CATSPERB: variants seen among roughly 807,000 people sequenced by gnomAD.
CATSPERB encodes catsper channel auxiliary subunit beta, also known as cation channel sperm-associated auxiliary subunit beta.
In CATSPERB, 93 loss-of-function variants were observed where a neutral mutation model predicts 128.3. The observed-to-expected ratio is 0.72, with a 90% CI of 0.61 to 0.86. The LOEUF (loss-of-function observed/expected upper bound fraction) is 0.86, where lower values mean the gene tolerates loss of function less well. Among genes scored for constraint, CATSPERB ranks in the 40% least tolerant of loss-of-function variants. The probability of loss-of-function intolerance (pLI) is 0.00; values close to 1 mark genes in which losing one functional copy is unlikely to be tolerated. For synonymous variants in CATSPERB, 381 were observed against 448.8 expected (o/e 0.85, Z 1.91); for missense variants, 1,153 against 1,329.5 (o/e 0.87, Z 2.06).
At chr14:91,675,812 T>G (rs1394702237) in intron 11 of CATSPERB, among the ~76,000 whole-genome samples, 1 of 152,186 alleles carries the variant, frequency 6.6e-6, no homozygotes, top group African/African-American at 2.4e-5. Context: ...GTCACCCTGG[T>G]TCTTGGCTGG....
chr14:91,675,567 A>ACCTAG (rs1439703737), intron 11 of CATSPERB, among the ~76,000 whole-genome samples: 1 of 152,026 alleles, frequency 6.6e-6, no homozygotes, highest in Non-Finnish European at 1.5e-5. Context: ...TTCTGTTTTG[A>ACCTAG]CCTAGCTGCT....
intron 10 of CATSPERB, among the ~76,000 whole-genome samples, chr14:91,685,522 T>C (rs140801648): frequency 2.1e-4 from 32 of 152,220 alleles, no homozygotes; most frequent in African/African-American, 6.5e-4. Context: ...CGGGATACAA[T>C]AGTAAATAAG....
chr14:91,625,128 A>G, intron 17 of CATSPERB, 121 bp from the exon 18 acceptor site: 1 of 637,708 alleles, frequency 1.6e-6, no homozygotes, highest in Non-Finnish European at 2.6e-6. Flanking sequence ...TTTGATTAAC[A>G]TTTGTTCAAC....
intron 4 of CATSPERB, among the ~76,000 whole-genome samples, chr14:91,719,766 A>T (rs958003577): frequency 1.3e-5 from 2 of 152,202 alleles, no homozygotes; most frequent in Admixed American, 6.5e-5. Context: ...TGTACAGCCA[A>T]GCTTATGTAG....
At chr14:91,631,526 G>C (rs976372233) in intron 17 of CATSPERB, among the ~76,000 whole-genome samples, 1 of 152,066 alleles carries the variant, frequency 6.6e-6, no homozygotes, top group Non-Finnish European at 1.5e-5. Flanking sequence ...TTAGTCAGGC[G>C]TGGTGGTGGG....
At chr14:91,692,382 G>A (rs999208853) in intron 9 of CATSPERB, among the ~76,000 whole-genome samples, 2 of 152,002 alleles carry the variant, frequency 1.3e-5, no homozygotes, top group East Asian at 1.9e-4. Flanking sequence ...CCATTGTAGC[G>A]TTCCTGGTTT....
At chr14:91,622,538 G>T (rs1269775545) in intron 18 of CATSPERB, among the ~76,000 whole-genome samples, 1 of 152,192 alleles carries the variant, frequency 6.6e-6, no homozygotes, top group Non-Finnish European at 1.5e-5. Context: ...AAGGAAGGCT[G>T]TTGAAATGAG....
intron 14 of CATSPERB, among the ~76,000 whole-genome samples, chr14:91,662,809 T>G (rs1326577713): frequency 6.6e-6 from 1 of 152,248 alleles, no homozygotes; most frequent in Non-Finnish European, 1.5e-5. Flanking sequence ...CTCCATCATC[T>G]CTTCACGTAT....
At chr14:91,692,557 A>G (rs573383841) in intron 9 of CATSPERB, among the ~76,000 whole-genome samples, 1 of 152,296 alleles carries the variant, frequency 6.6e-6, no homozygotes, top group Admixed American at 6.5e-5. Flanking sequence ...TATAAGAAAT[A>G]TCTGTGTCTC....
intron 7 of CATSPERB, 40 bp downstream of exon 7, chr14:91,704,512 A>G (rs762120493): frequency 3.8e-6 from 6 of 1,559,472 alleles, no homozygotes; most frequent in Non-Finnish European, 5.2e-6. Context: ...TACAAAATAT[A>G]AAAGGCCAAT....
intron 10 of CATSPERB, among the ~76,000 whole-genome samples, chr14:91,684,555 A>C (rs1022388107): frequency 6.6e-6 from 1 of 151,804 alleles, no homozygotes; most frequent in Non-Finnish European, 1.5e-5. Flanking sequence ...TGTGTGCAAA[A>C]GCCTTTGCTG....
Position 91,605,239 on chromosome 14 carries a change from C to CT in CATSPERB, c.2709+3054_2709+3055insA. ...GATAGTTTTCTTCAGGCCCACAAAT[C>CT]ACAGGTGTAAGTGAAGAGTCTTTAC... On this transcript the variant is annotated intron_variant, in intron 22 of 26. Coordinates refer to ENST00000256343, the MANE Select transcript of CATSPERB (RefSeq NM_024764.4). The CT allele has an allele frequency of 4.6e-6, 7 of 1,530,768 alleles. No homozygotes were observed. The East Asian group carries it at 1.6e-4, about 35-fold the overall frequency. The allele number at this position is 1,530,768 out of a possible 1,614,324, so 94.8% of individuals were successfully genotyped here. A position where few individuals can be genotyped will look rare whatever the true frequency, so the allele number is the denominator to read the frequency against.
At chr14:91,631,217 C>G (rs1191342039) in intron 17 of CATSPERB, among the ~76,000 whole-genome samples, 1 of 152,188 alleles carries the variant, frequency 6.6e-6, no homozygotes, top group Non-Finnish European at 1.5e-5. Flanking sequence ...CACTATATTC[C>G]CAGTGCCTAG....
At chr14:91,617,542 T>C in intron 20 of CATSPERB, 55 bp downstream of exon 20, 1 of 1,403,752 alleles carries the variant, frequency 7.1e-7, no homozygotes, top group East Asian at 2.4e-5. Flanking sequence ...ATAATAGTTG[T>C]TTCAGAAAAT....
At chr14:91,582,099 T>C (rs1296432831) in intron 26 of CATSPERB, among the ~76,000 whole-genome samples, 2 of 152,208 alleles carry the variant, frequency 1.3e-5, no homozygotes, top group Admixed American at 1.3e-4. Context: ...GTGATTATTG[T>C]GCCACTTTTC....
chr14:91,584,856 T>C (rs1893269780), intron 26 of CATSPERB, among the ~76,000 whole-genome samples: 1 of 152,188 alleles, frequency 6.6e-6, no homozygotes, highest in South Asian at 2.1e-4. Context: ...ATCTTGATTT[T>C]TGGTAGTTTG....
chr14:91,681,079 A>G (rs1489606297), intron 11 of CATSPERB, among the ~76,000 whole-genome samples: 1 of 152,206 alleles, frequency 6.6e-6, no homozygotes, highest in African/African-American at 2.4e-5. Context: ...TGTTATATGC[A>G]TGTTCGTTCA....
intron 20 of CATSPERB, among the ~76,000 whole-genome samples, chr14:91,612,065 T>TTTCTTTC (rs1893843850): frequency 2.8e-5 from 1 of 35,430 alleles, no homozygotes; most frequent in South Asian, 9.3e-4. Flanking sequence ...TCTTTCTTTC[T>TTTCTTTC]TCCTTTTTTT....
In CATSPERB at chr14:91,659,863, C is replaced by T. The variant is rs145060222; in HGVS notation, c.1406G>A (p.Arg469His). The T allele has an allele frequency of 9.3e-6, 15 of 1,605,900 alleles. No individual in the cohort carries two copies. The highest frequency in any genetic ancestry group is 3.4e-5 in the Admixed American group (2 of 58,224). ...YTSAITFVSQRGKVYSTKAGM... is the reference protein window; with the variant it reads ...YTSAITFVSQHGKVYSTKAGM... ...TGCCTTTGTCGAGTAAACCTTTCCA[C>T]GTTGAGAAACAAAAGTAATAGCTGA... The change falls in exon 15 of 27, where the codon CGT becomes CAT. Residue 469 changes from arginine to histidine, a missense_variant. Physicochemically the swap from Arg to His is conservative, Grantham distance 29 (BLOSUM62 0). Transcript: ENST00000256343.
Sources: allele counts gnomAD v4.1 joint callset (sites outside exome capture counted in the v4.1 genomes callset), GRCh38; gene constraint gnomAD v4.1.1; transcripts MANE v1.5; gene names NCBI Gene and HGNC (gene_info 2026-07-23, HGNC 2026-07-21).